TNR: variants seen among roughly 807,000 people sequenced by gnomAD.
TNR encodes the protein tenascin R.
In TNR, 45 loss-of-function variants were observed where a neutral mutation model predicts 150.4. The ratio of observed to expected loss-of-function variants is 0.30; its 90% CI spans 0.24 to 0.38. The LOEUF (loss-of-function observed/expected upper bound fraction) is 0.38, where lower values mean the gene tolerates loss of function less well. Ranked by LOEUF, TNR falls within the 10% of genes least tolerant of loss-of-function variation. The pLI is 1.00. For missense variants in TNR, 1,544 were observed against 1,759.1 expected (o/e 0.88, Z 2.19); for synonymous variants, 687 against 678.4 (o/e 1.01, Z -0.20).
Position 175,599,811 on chromosome 1 carries a change from T to C in TNR, c.-164-71442A>G, listed in dbSNP as rs144115817. ...TTCTGTCCCACTTGAAACCAGAAAA[T>C]ACACTTCCCAGATAGCAAGGAGGGG... On this transcript the variant is annotated intron_variant, in intron 1 of 22. Transcript: ENST00000367674. This position sits in a 1 kb window ranked among gnomAD's most constrained non-coding sequence, Gnocchi z 4.7. 1.9e-4 allele frequency among the ~76,000 whole-genome samples: 29 copies of C among 152,180 alleles called. No homozygotes were observed. Among genetic ancestry groups the C allele is most frequent in the Admixed American group, 6.5e-4 (10 of 15,304 alleles).
chr1:175,595,262 A>ATT (rs1662963988), intron 1 of TNR, among the ~76,000 whole-genome samples: 1 of 152,232 alleles, frequency 6.6e-6, no homozygotes, highest in African/African-American at 2.4e-5. Flanking sequence ...ATGTGGAAGA[A>ATT]GATACAGACA....
intron 20 of TNR, among the ~76,000 whole-genome samples, chr1:175,331,219 T>A (rs1390186777): frequency 1.8e-5 from 2 of 109,078 alleles, no homozygotes; most frequent in Non-Finnish European, 3.8e-5. Context: ...CCTTCCTTCC[T>A]TCTTTCCTGC....
intron 1 of TNR, among the ~76,000 whole-genome samples, chr1:175,571,933 ACCAG>A (rs777024445): frequency 7.6e-4 from 116 of 152,292 alleles, no homozygotes; most frequent in Non-Finnish European, 1.3e-3. Context: ...TTTCCATGGA[ACCAG>A]GCCTATTTGC....
chr1:175,674,598 AG>A (rs1240807242), intron 1 of TNR, among the ~76,000 whole-genome samples: 1 of 152,164 alleles, frequency 6.6e-6, no homozygotes, highest in Admixed American at 6.5e-5. Flanking sequence ...GTTGGAGACC[AG>A]GGTGGCCAAC....
At chr1:175,398,341 AT>A (rs1340581704) in intron 4 of TNR, among the ~76,000 whole-genome samples, 1 of 152,266 alleles carries the variant, frequency 6.6e-6, no homozygotes, top group African/African-American at 2.4e-5. Flanking sequence ...CAAAACAAAA[AT>A]TAAAAAAAAT....
chr1:175,689,423 T>C (rs1666292116), intron 1 of TNR, among the ~76,000 whole-genome samples: 1 of 152,186 alleles, frequency 6.6e-6, no homozygotes, highest in African/African-American at 2.4e-5. Flanking sequence ...AAATACCTCT[T>C]AGATTGGAGG....
intron 2 of TNR, among the ~76,000 whole-genome samples, chr1:175,423,889 T>A (rs1185286092): frequency 6.6e-6 from 1 of 152,142 alleles, no homozygotes; most frequent in Admixed American, 6.5e-5. Flanking sequence ...CAGGTATGAA[T>A]CCCACGAGTT....
chr1:175,728,027 C>T (rs886743970), intron 1 of TNR, among the ~76,000 whole-genome samples: 5 of 152,200 alleles, frequency 3.3e-5, no homozygotes, highest in African/African-American at 1.2e-4. Flanking sequence ...GCACAACTAT[C>T]TATTTTTCTC....
chr1:175,695,809 G>A (rs1155911), intron 1 of TNR, among the ~76,000 whole-genome samples: 18,298 of 152,152 alleles, frequency 0.12, 1,202 homozygotes, highest in East Asian at 0.25. Flanking sequence ...TTGTTCATTA[G>A]GGTGATTATT....
At chr1:175,725,737 A>C (rs1667459748) in intron 1 of TNR, among the ~76,000 whole-genome samples, 1 of 152,226 alleles carries the variant, frequency 6.6e-6, no homozygotes, top group African/African-American at 2.4e-5. Flanking sequence ...GAATGTCCTG[A>C]TGTAAGAGAT....
At chr1:175,705,467 A>C (rs1237222918) in intron 1 of TNR, among the ~76,000 whole-genome samples, 2 of 152,218 alleles carry the variant, frequency 1.3e-5, no homozygotes, top group Non-Finnish European at 2.9e-5. Context: ...TAAATTCTAG[A>C]AAGATAAAGA....
At chr1:175,495,742 C>T (rs1658458896) in intron 2 of TNR, among the ~76,000 whole-genome samples, 1 of 152,252 alleles carries the variant, frequency 6.6e-6, no homozygotes, top group Non-Finnish European at 1.5e-5. Flanking sequence ...TCTAACTGAA[C>T]TTGTATATTG....
chr1:175,559,060 G>T (rs1661307976), intron 1 of TNR, among the ~76,000 whole-genome samples: 1 of 152,132 alleles, frequency 6.6e-6, no homozygotes, highest in Non-Finnish European at 1.5e-5. Flanking sequence ...ATTCACTTCT[G>T]CTGTGAACCT....
At chr1:175,688,555 C>T (rs1301747496) in intron 1 of TNR, among the ~76,000 whole-genome samples, 1 of 152,146 alleles carries the variant, frequency 6.6e-6, no homozygotes, top group Non-Finnish European at 1.5e-5. Context: ...CTGTTTTGTC[C>T]ACTGAGTAAC....
rs143711110 is a variant in TNR at position 175,364,305 on chromosome 1, T to A, written c.2588-478A>T. Among the ~76,000 whole-genome samples, 125 of 151,654 alleles carry A rather than the reference T, an allele frequency of 8.2e-4. 2 individuals are homozygous for A. The highest frequency in any genetic ancestry group is 2.9e-3 in the African/African-American group (119 of 41,332). On this transcript the variant is annotated intron_variant, in intron 12 of 22. Transcript: ENST00000367674. ...CCAGAACAAATCCATTTTCCTAAAT[T>A]GTATTTCATTTATGCTATGGGCTTT...
chr1:175,434,589 A>G (rs1193558327), intron 2 of TNR, among the ~76,000 whole-genome samples: 2 of 152,118 alleles, frequency 1.3e-5, no homozygotes, highest in Non-Finnish European at 2.9e-5. Context: ...TGTCTCCCCA[A>G]CATCTATATT....
chr1:175,526,963 GC>G (rs1314688072), intron 2 of TNR, among the ~76,000 whole-genome samples: 16 of 152,358 alleles, frequency 1.1e-4, no homozygotes, highest in African/African-American at 3.6e-4. Context: ...AAGATGGACT[GC>G]CCTCTGTGCC....
chr1:175,399,742 T>C (rs1019655720), intron 4 of TNR, among the ~76,000 whole-genome samples: 5 of 152,198 alleles, frequency 3.3e-5, no homozygotes, highest in Non-Finnish European at 7.3e-5. Context: ...CTTTGAAACT[T>C]GAGGAAGAGC....
chr1:175,365,344 A>T, intron 11 of TNR, 65 bp from the exon 12 acceptor site: 4 of 1,514,850 alleles, frequency 2.6e-6, no homozygotes, highest in Non-Finnish European at 3.5e-6. Context: ...GGCTAGAAGA[A>T]CTTCTTGGCT....
Sources: allele counts gnomAD v4.1 joint callset (sites outside exome capture counted in the v4.1 genomes callset), GRCh38; gene constraint gnomAD v4.1.1; non-coding constraint Gnocchi (gnomAD v3.1); transcripts MANE v1.5; gene names NCBI Gene and HGNC (gene_info 2026-07-23, HGNC 2026-07-21).